Variants in MUC12 observed in about 807,000 individuals in gnomAD.
MUC12 encodes mucin 12, cell surface associated.
Under a neutral mutation model 230.8 loss-of-function variants are expected in MUC12, and 172 were observed. The observed-to-expected ratio is 0.75, with a 90% CI of 0.66 to 0.85. The LOEUF (loss-of-function observed/expected upper bound fraction) is 0.85, where lower values mean the gene tolerates loss of function less well. Among genes scored for constraint, MUC12 ranks in the 40% least tolerant of loss-of-function variants. The probability of loss-of-function intolerance (pLI) is 0.00; values close to 1 mark genes in which losing one functional copy is unlikely to be tolerated. For synonymous variants in MUC12, 1,259 were observed against 2,401.9 expected (o/e 0.52, Z 13.91); for missense variants, 3,506 against 5,920.6 (o/e 0.59, Z 13.38).
chr7:101,010,303 G>A (rs1268330456), intron 5 of MUC12, among the ~76,000 whole-genome samples: 1 of 152,100 alleles, frequency 6.6e-6, no homozygotes, highest in African/African-American at 2.4e-5. Flanking sequence ...TGGAGTGGTT[G>A]CGTGATGCAG....
chr7:101,009,558 C>T (rs890464822), intron 5 of MUC12, among the ~76,000 whole-genome samples: 2 of 152,028 alleles, frequency 1.3e-5, no homozygotes, highest in Non-Finnish European at 2.9e-5. Flanking sequence ...ACAGGCTGGG[C>T]GTGGTGGTTC....
In MUC12 at chr7:100,992,006, C is replaced by T. The variant is rs201999213; in HGVS notation, c.1443C>T (p.Pro481=). 120 of 1,537,914 alleles carry T rather than the reference C, an allele frequency of 7.8e-5. No individual in the cohort carries two copies. The highest frequency in any genetic ancestry group is 7.3e-4 in the East Asian group (30 of 40,912). The change falls in exon 2 of 12, where the codon CCC becomes CCT. Residue 481 remains proline, a synonymous_variant. Transcript: ENST00000536621. The part of the protein sequence containing the change: ...SSGSMETTAL[P]GSTTKPGLSE... ...GCTCAATGGAAACCACAGCGTTACC[C>T]GGCAGTACCACAAAACCAGGCCTCA...
At chr7:100,972,149 G>C (rs1354914886) in intron 1 of MUC12, 1 of 703,542 alleles carries the variant, frequency 1.4e-6, no homozygotes, top group Non-Finnish European at 2.6e-6. Flanking sequence ...CCATTTCCCA[G>C]CAGGTAGCTC....
At position 101,005,532 on chromosome 7, in the gene MUC12, C is replaced by G. The variant is rs1417396764; in HGVS notation, c.14956+13C>G. On this transcript the variant is annotated intron_variant, in intron 2 of 11. Coordinates refer to ENST00000536621, the MANE Select transcript of MUC12 (RefSeq NM_001164462.2). ...ACCTTAGCACCAGGTACTGCTCTTTCCATTTCATCCACGTTTAGCTTCTTC... is the reference window on the plus strand; with the variant it reads ...ACCTTAGCACCAGGTACTGCTCTTTGCATTTCATCCACGTTTAGCTTCTTC... 21 of 1,527,232 alleles carry G rather than the reference C, an allele frequency of 1.4e-5. No homozygotes were observed. The highest frequency in any genetic ancestry group is 1.8e-5 in the Non-Finnish European group (20 of 1,140,376). 94.6% of individuals were successfully genotyped at this position (1,527,232 alleles called of 1,614,324 possible). A position where few individuals can be genotyped will look rare whatever the true frequency, so the allele number is the denominator to read the frequency against.
intron 10 of MUC12, 89 bp downstream of exon 10, chr7:101,015,780 T>C (rs923832047): frequency 2.2e-5 from 27 of 1,200,312 alleles, no homozygotes; most frequent in Non-Finnish European, 2.9e-5. Flanking sequence ...TGACGTGGGG[T>C]CCAGCCCCCC....
At chr7:100,969,747 G>A (rs1424226817) in intron 1 of MUC12, 58 bp downstream of exon 1, 20 of 1,533,460 alleles carry the variant, frequency 1.3e-5, no homozygotes, top group South Asian at 7.1e-5. Flanking sequence ...AATAGTACAT[G>A]CCCCTGCCTC....
chr7:101,008,430 C>T (rs1461919936), intron 3 of MUC12, among the ~76,000 whole-genome samples: 1 of 152,170 alleles, frequency 6.6e-6, no homozygotes, highest in Non-Finnish European at 1.5e-5. Flanking sequence ...CTGCCCCCCT[C>T]ATCAAAGGGC....
chr7:100,991,716 G>C lies in MUC12; in HGVS notation c.1153G>C (p.Glu385Gln). Residue 385 changes from glutamate to glutamine, a missense_variant, in exon 2 of 12, where the codon GAA becomes CAA. Transcript: ENST00000536621. ...CTCCACAACTTCAGGCCATAGTGAAGAATCAGCAACTTTCCACGGCAGCAC... is the reference window on the plus strand; with the variant it reads ...CTCCACAACTTCAGGCCATAGTGAACAATCAGCAACTTTCCACGGCAGCAC... ...ESSTTSGHSE[E>Q]SATFHGSTTH... 6.5e-7 allele frequency: 1 copy of C among 1,537,990 alleles called. No individual in the cohort carries two copies. Among genetic ancestry groups the C allele is most frequent in the Non-Finnish European group, 8.7e-7 (1 of 1,147,088 alleles).
chr7:100,977,706 G>A (rs117691824), intron 1 of MUC12, among the ~76,000 whole-genome samples: 3 of 151,814 alleles, frequency 2.0e-5, no homozygotes, highest in Admixed American at 2.0e-4. Context: ...GTTATTTAGA[G>A]GCTGGATTAT....
intron 1 of MUC12, chr7:100,972,228 G>A (rs893825743): frequency 1.4e-6 from 1 of 701,958 alleles, no homozygotes; most frequent in Non-Finnish European, 2.6e-6. Flanking sequence ...GACTCAGAGA[G>A]AGGATGAGTG....
intron 1 of MUC12, among the ~76,000 whole-genome samples, chr7:100,985,290 G>T (rs950695292): frequency 6.6e-6 from 1 of 152,122 alleles, no homozygotes; most frequent in Non-Finnish European, 1.5e-5. Context: ...TCCTGGGTGG[G>T]GGCCACAAGA....
chr7:100,988,306 A>G (rs1322468627), intron 1 of MUC12, among the ~76,000 whole-genome samples: 6 of 151,250 alleles, frequency 4.0e-5, no homozygotes, highest in Non-Finnish European at 8.8e-5. Flanking sequence ...AAAAAAAAAA[A>G]AAAAAGAAAG....
intron 1 of MUC12, among the ~76,000 whole-genome samples, chr7:100,976,332 G>A (rs1212609809): frequency 6.6e-6 from 1 of 150,838 alleles, no homozygotes; most frequent in South Asian, 2.1e-4. Context: ...TCGGCCAGGC[G>A]TGGTGGCTCA....
intron 1 of MUC12, among the ~76,000 whole-genome samples, chr7:100,988,537 T>C (rs1312957881): frequency 6.6e-6 from 1 of 152,152 alleles, no homozygotes; most frequent in Non-Finnish European, 1.5e-5. Context: ...TATTTCTTTA[T>C]AGCAATGCAG....
Position 101,003,823 on chromosome 7 carries a change from A to C in MUC12, c.13260A>C (p.Gln4420His). The change falls in exon 2 of 12, where the codon CAA becomes CAC. Residue 4420 changes from glutamine to histidine, a missense_variant. Coordinates refer to ENST00000536621, the MANE Select transcript of MUC12 (RefSeq NM_001164462.2). ...TTYHSSPGST[Q>H]TMHFPESNTT... ...ACCACAGCAGCCCGGGCTCAACTCA[A>C]ACAATGCACTTCCCTGAAAGCAACA... 4.1e-6 allele frequency: 6 copies of C among 1,458,660 alleles called. 1 individual carries two copies. The allele number at this position is 1,458,660 out of a possible 1,614,324, so 90.4% of individuals were successfully genotyped here.
At position 101,009,946 on chromosome 7, in the gene MUC12, A is replaced by G. The variant is rs35388175; in HGVS notation, c.15251+787A>G. 1.7e-3 allele frequency among the ~76,000 whole-genome samples: 255 copies of G among 152,284 alleles called. 1 individual carries two copies. Among genetic ancestry groups the G allele is most frequent in the Non-Finnish European group, 2.0e-3 (133 of 68,012 alleles). On this transcript the variant is annotated intron_variant, in intron 5 of 11. Coordinates refer to ENST00000536621, the MANE Select transcript of MUC12 (RefSeq NM_001164462.2). ...CATCAGCAGTGTAGACCCATGAGGG[A>G]TAGTGTCTGGTCTGCAGAGTAGATA... is the stretch of plus-strand genomic sequence containing the variant.
rs1412893119 is a variant in MUC12, at chr7:101,005,267, G to T, written c.14704G>T (p.Gly4902Cys). 34 of 1,537,760 alleles carry T rather than the reference G, an allele frequency of 2.2e-5. No homozygotes were observed. Among genetic ancestry groups the T allele is most frequent in the Non-Finnish European group, 2.9e-5 (33 of 1,147,016 alleles). Residue 4902 changes from glycine (G) to cysteine (C), a missense_variant, in exon 2 of 12, where the codon GGT becomes TGT. Coordinates refer to ENST00000536621, the MANE Select transcript of MUC12 (RefSeq NM_001164462.2). ...LPATLTTTDI[G>C]QESTAFHSSS... ...TGCCACCCTCACAACCACAGACATT[G>T]GTCAGGAATCAACAGCCTTCCACAG...
Position 101,005,154 on chromosome 7 carries a change from C to G in MUC12, c.14591C>G (p.Ala4864Gly), listed in dbSNP as rs1293853169. The change falls in exon 2 of 12, where the codon GCG becomes GGG. Residue 4864 changes from alanine to glycine, a missense_variant. Transcript: ENST00000536621. ...AGCCCAGGCTCAACTGAAACCACAG[C>G]GTTTTCTCACAGCAACACAATGTCC... ...YSSPGSTETTAFSHSNTMSIH... is the reference protein window; with the variant it reads ...YSSPGSTETTGFSHSNTMSIH... The G allele has an allele frequency of 6.5e-7, 1 of 1,537,790 alleles. No homozygotes were observed. The highest frequency in any genetic ancestry group is 1.4e-5 in the African/African-American group (1 of 73,024).
At position 101,018,605 on chromosome 7, in the gene MUC12, A is replaced by G. The variant is rs1443128939; in HGVS notation, c.15977A>G (p.Gln5326Arg). The change falls in exon 12 of 12, where the codon CAG becomes CGG. Residue 5326 changes from glutamine (Q) to arginine (R), a missense_variant. Gln to Arg is a conservative substitution (Grantham distance 43). Transcript: ENST00000536621. ...TCTCCCGTCCCCCAGCTCCACATCC[A>G]GAGGCCGGAGATGGTAGCATCCACT... ...TVDSGTELHI[Q>R]RPEMVASTV The G allele has an allele frequency of 1.3e-6, 2 of 1,535,312 alleles. No homozygotes were observed. Among genetic ancestry groups the G allele is most frequent in the Non-Finnish European group, 1.7e-6 (2 of 1,145,984 alleles).
Sources: allele counts gnomAD v4.1 joint callset (sites outside exome capture counted in the v4.1 genomes callset), GRCh38; gene constraint gnomAD v4.1.1; transcripts MANE v1.5; gene names NCBI Gene and HGNC (gene_info 2026-07-23, HGNC 2026-07-21).